The following ATP8B4 variants were observed in gnomAD, a reference collection of about 807,000 sequenced individuals.
ATP8B4 encodes the protein ATPase phospholipid transporting 8B4 (putative).
In ATP8B4, 133 loss-of-function variants were observed where a neutral mutation model predicts 145.6. The observed-to-expected ratio is 0.91, with a 90% CI of 0.79 to 1.05. ATP8B4 has a LOEUF of 1.05. Among genes scored for constraint, ATP8B4 ranks in the 50% least tolerant of loss-of-function variants. ATP8B4 has a pLI of 0.00. For synonymous variants in ATP8B4, 507 were observed against 492.9 expected, an observed-to-expected ratio of 1.03 and a Z score of -0.38; for missense variants, 1,458 against 1,425.2, an observed-to-expected ratio of 1.02 and a Z score of -0.37.
intron 14 of ATP8B4, among the ~76,000 whole-genome samples, chr15:49,935,673 C>T (rs2041673792): frequency 6.6e-6 from 1 of 152,118 alleles, no homozygotes; most frequent in Admixed American, 6.6e-5. Flanking sequence ...TACTCTCAAA[C>T]TTCAGAAGGT....
intron 13 of ATP8B4, among the ~76,000 whole-genome samples, chr15:49,966,860 A>G (rs1210344942): frequency 6.6e-6 from 1 of 152,152 alleles, no homozygotes; most frequent in East Asian, 1.9e-4. Context: ...GACACCTTAT[A>G]TAGGAGAGTC....
chr15:50,159,520 G>A (rs983932223), intron 1 of ATP8B4, among the ~76,000 whole-genome samples: 4 of 152,072 alleles, frequency 2.6e-5, no homozygotes, highest in Non-Finnish European at 5.9e-5. Flanking sequence ...AGTACTTCCA[G>A]TACTATGTTG....
intron 1 of ATP8B4, among the ~76,000 whole-genome samples, chr15:50,136,072 C>A (rs1402309196): frequency 6.6e-6 from 1 of 152,108 alleles, no homozygotes; most frequent in Non-Finnish European, 1.5e-5. Flanking sequence ...CCATTTGGAT[C>A]CCCTGATTGA....
intron 14 of ATP8B4, among the ~76,000 whole-genome samples, chr15:49,958,791 A>T (rs2043811436): frequency 6.6e-6 from 1 of 151,984 alleles, no homozygotes; most frequent in African/African-American, 2.4e-5. Context: ...GAAATTCTAA[A>T]CAGATAACTA....
At chr15:50,019,868 T>G (rs1180419152) in intron 6 of ATP8B4, among the ~76,000 whole-genome samples, 1 of 152,210 alleles carries the variant, frequency 6.6e-6, no homozygotes, top group African/African-American at 2.4e-5. Flanking sequence ...TAGCCAGCCC[T>G]TTCTCTTTTG....
chr15:50,063,076 A>T (rs2053140383), intron 3 of ATP8B4, among the ~76,000 whole-genome samples: 1 of 151,184 alleles, frequency 6.6e-6, no homozygotes, highest in Non-Finnish European at 1.5e-5. Context: ...GCACTATAAT[A>T]GATGTCTTTA....
chr15:50,057,853 C>T (rs1203945307), intron 3 of ATP8B4, among the ~76,000 whole-genome samples: 1 of 152,176 alleles, frequency 6.6e-6, no homozygotes, highest in Non-Finnish European at 1.5e-5. Context: ...ATCAGGGGAA[C>T]AAATTAAATT....
intron 8 of ATP8B4, among the ~76,000 whole-genome samples, chr15:50,000,777 G>A (rs1311829835): frequency 6.6e-6 from 1 of 152,030 alleles, no homozygotes; most frequent in African/African-American, 2.4e-5. Flanking sequence ...AATCTGACCA[G>A]ACAGCCCTAG....
intron 2 of ATP8B4, among the ~76,000 whole-genome samples, chr15:50,083,460 A>C (rs1378167328): frequency 1.3e-5 from 2 of 152,176 alleles, no homozygotes; most frequent in Non-Finnish European, 2.9e-5. Flanking sequence ...AGAAAAAAAA[A>C]ATCAGCATCT....
intron 23 of ATP8B4, chr15:49,885,799 C>T (rs2036115736): frequency 6.6e-6 from 1 of 152,264 alleles, no homozygotes; most frequent in East Asian, 1.9e-4. Flanking sequence ...TATCAAATCA[C>T]TCCCCAGATA....
chr15:50,044,684 T>C lies in ATP8B4; in HGVS notation c.210A>G (p.Pro70=), dbSNP rs930931197. 2 of 1,610,782 alleles carry C rather than the reference T, an allele frequency of 1.2e-6. No homozygotes were observed. The highest frequency in any genetic ancestry group is 1.7e-6 in the Non-Finnish European group (2 of 1,177,432). Residue 70 remains proline, a synonymous_variant, in exon 5 of 28, where the codon CCA becomes CCG. Transcript: ENST00000284509. ...FLCLLILQLI[P]EISSLTWFTT... is the part of the protein sequence containing the mutation. Reference sequence around the variant, plus strand: ...TAAACCAGGTCAAGGAGGAAATTTCTGGAATTAGCTGAAACAAACATTCCA... The same window carrying C: ...TAAACCAGGTCAAGGAGGAAATTTCCGGAATTAGCTGAAACAAACATTCCA...
intron 8 of ATP8B4, among the ~76,000 whole-genome samples, chr15:49,997,732 C>T (rs558009323): frequency 3.2e-4 from 48 of 152,104 alleles, no homozygotes; most frequent in Non-Finnish European, 5.9e-4. Context: ...CTTAACCTTC[C>T]GTAAATGAAT....
At chr15:50,114,464 T>G (rs1213407356) in intron 1 of ATP8B4, 1 of 152,346 alleles carries the variant, frequency 6.6e-6, no homozygotes, top group Non-Finnish European at 1.5e-5. Context: ...TTCCCTTCTC[T>G]TCCTTTCCTA....
At chr15:49,968,450 C>CA (rs932955949) in intron 13 of ATP8B4, among the ~76,000 whole-genome samples, 11 of 150,866 alleles carry the variant, frequency 7.3e-5, no homozygotes, top group East Asian at 1.9e-4. Context: ...AAATGGAAAG[C>CA]AAAAAAAAGC....
At chr15:49,941,107 G>C (rs535621109) in intron 14 of ATP8B4, among the ~76,000 whole-genome samples, 153 of 152,126 alleles carry the variant, frequency 1.0e-3, no homozygotes, top group Non-Finnish European at 1.7e-3. Context: ...ATTTATAGGG[G>C]AGGGGTAATA....
At chr15:49,909,943 C>A (rs931363467) in intron 20 of ATP8B4, among the ~76,000 whole-genome samples, 2 of 151,878 alleles carry the variant, frequency 1.3e-5, no homozygotes, top group Non-Finnish European at 2.9e-5. Flanking sequence ...CGTGAAAAAG[C>A]TAGGAAATAC....
At chr15:49,937,683 C>T (rs1789499373) in intron 14 of ATP8B4, among the ~76,000 whole-genome samples, 1 of 151,934 alleles carries the variant, frequency 6.6e-6, no homozygotes, top group Non-Finnish European at 1.5e-5. Context: ...ATTTGAAACA[C>T]AAAATATGAG....
chr15:50,114,917 G>A (rs1023253513), intron 1 of ATP8B4, among the ~76,000 whole-genome samples: 3 of 152,152 alleles, frequency 2.0e-5, no homozygotes, highest in Non-Finnish European at 2.9e-5. Flanking sequence ...GACTTATCAG[G>A]TGCCTACTCT....
intron 1 of ATP8B4, among the ~76,000 whole-genome samples, chr15:50,178,593 C>A (rs79803381): frequency 0.09 from 13,750 of 152,084 alleles, 833 homozygotes; most frequent in African/African-American, 0.16. Flanking sequence ...GAACTCCTGG[C>A]CTCAAGTGAT....
Sources: allele counts gnomAD v4.1 joint callset (sites outside exome capture counted in the v4.1 genomes callset), GRCh38; gene constraint gnomAD v4.1.1; transcripts MANE v1.5; gene names NCBI Gene and HGNC (gene_info 2026-07-23, HGNC 2026-07-21).